TRAP1: variants seen among roughly 807,000 people sequenced by gnomAD.
TRAP1 encodes the protein TNF receptor associated protein 1.
In TRAP1, 102 loss-of-function variants were observed where a neutral mutation model predicts 89.1. That is an observed-to-expected ratio of 1.15 (90% CI 0.98 to 1.35). The LOEUF (loss-of-function observed/expected upper bound fraction) is 1.35. Among genes scored for constraint, TRAP1 ranks in the 40% most tolerant of loss-of-function variants. The pLI is 0.00. For synonymous variants in TRAP1, 508 were observed against 388.0 expected, an observed-to-expected ratio of 1.31 and a Z score of -3.64; for missense variants, 1,256 against 945.3, an observed-to-expected ratio of 1.33 and a Z score of -4.31.
chr16:3,676,477 A>C (rs1171157511), intron 6 of TRAP1: 12 of 186,888 alleles, frequency 6.4e-5, no homozygotes, highest in Admixed American at 6.1e-5. Flanking sequence ...CCAGCTCCAA[A>C]TCGGGTGCCA....
At chr16:3,669,934 C>A (rs1392486783) in intron 11 of TRAP1, among the ~76,000 whole-genome samples, 1 of 151,778 alleles carries the variant, frequency 6.6e-6, no homozygotes, top group Non-Finnish European at 1.5e-5. Context: ...AGCTGTGCAG[C>A]CCCGAGGGAC....
chr16:3,686,606 G>A (rs145366790), intron 3 of TRAP1, among the ~76,000 whole-genome samples: 11 of 152,250 alleles, frequency 7.2e-5, no homozygotes, highest in African/African-American at 2.2e-4. Flanking sequence ...CGTGAGCCAC[G>A]GTGCCTGGCC....
At chr16:3,674,610 G>C (rs1034748272) in intron 8 of TRAP1, 116 bp from the exon 9 acceptor site, 19 of 1,320,702 alleles carry the variant, frequency 1.4e-5, no homozygotes, top group Non-Finnish European at 1.8e-5. Context: ...GGGACAGACG[G>C]GCGGTGGTCT....
Position 3,674,439 on chromosome 16 carries a change from T to C in TRAP1, c.944A>G (p.Tyr315Cys). The C allele has an allele frequency of 6.2e-7, 1 of 1,614,046 alleles. No individual in the cohort carries two copies. The highest frequency in any genetic ancestry group is 8.5e-7 in the Non-Finnish European group (1 of 1,180,030). Residue 315 changes from tyrosine (Y) to cysteine (C), a missense_variant, in exon 9 of 18, where the codon TAC (tyrosine) becomes TGC (cysteine). Physicochemically the swap from Tyr to Cys is radical, Grantham distance 194 (BLOSUM62 -2). Transcript: ENST00000246957. ...DVREWQHEEF[Y>C]RYVAQAHDKP... Reference sequence around the variant, plus strand: ...GTCGTGAGCCTGCGCGACGTAGCGGTAGAACTCCTCATGTTGCCACTCACG... The same window carrying C: ...GTCGTGAGCCTGCGCGACGTAGCGGCAGAACTCCTCATGTTGCCACTCACG...
intron 1 of TRAP1, among the ~76,000 whole-genome samples, chr16:3,708,402 G>C (rs188741801): frequency 1.3e-5 from 2 of 152,250 alleles, no homozygotes; most frequent in Non-Finnish European, 2.9e-5. Context: ...ACTTTGGGAG[G>C]CTGAGGCGGA....
chr16:3,676,238 A>G (rs1024090298), intron 6 of TRAP1, 93 bp from the exon 7 acceptor site: 7 of 1,093,248 alleles, frequency 6.4e-6, no homozygotes, highest in Non-Finnish European at 9.4e-6. Flanking sequence ...TTTCATAGGC[A>G]GAGCCCAAAC....
rs1357798035 is a variant in TRAP1, at chr16:3,671,637, G to C, written c.1235+85C>G. 4.8e-6 allele frequency: 7 copies of C among 1,460,220 alleles called. No homozygotes were observed. In the East Asian group the frequency reaches 9.5e-5, roughly 20 times the overall value. 90.5% of individuals were successfully genotyped at this position (1,460,220 alleles called of 1,614,324 possible). On this transcript the variant is annotated intron_variant, in intron 11 of 17. Transcript: ENST00000246957. ...ACCACCTCTGCTCTCAGCTCCATGG[G>C]CCACGGCTAGGGCCCTCTGGGGGCA...
At chr16:3,671,288 G>A (rs912408887) in intron 11 of TRAP1, among the ~76,000 whole-genome samples, 8 of 152,138 alleles carry the variant, frequency 5.3e-5, no homozygotes, top group Non-Finnish European at 7.4e-5. Context: ...CTTGCATTAG[G>A]GGAAAAAAAG....
chr16:3,675,897 T>C, intron 7 of TRAP1, 139 bp downstream of exon 7: 1 of 717,160 alleles, frequency 1.4e-6, no homozygotes, highest in Non-Finnish European at 2.2e-6. Context: ...CCCCTCCCAG[T>C]CCCGCAGCGG....
rs766928982 is a variant in TRAP1, at chr16:3,698,318, C to CT, written c.89-7334dup. ...AGGTTATGTAAACTTTCCACAACAA[C>CT]TTTTTTTTTTTTTTTTAGAGTCTCA... On this transcript the variant is annotated intron_variant, in intron 1 of 17. Coordinates refer to ENST00000246957, the MANE Select transcript of TRAP1 (RefSeq NM_016292.3). 9.8e-3 allele frequency among the ~76,000 whole-genome samples: 1,389 copies of CT among 141,634 alleles called. 61 individuals carry two copies. In the East Asian group the frequency reaches 0.14, roughly 15 times the overall value. 92.9% of individuals were successfully genotyped at this position (141,634 alleles called of 152,430 possible).
Position 3,674,441 on chromosome 16 carries a change from G to A in TRAP1, c.942C>T (p.Phe314=). ...KDVREWQHEE[F]YRYVAQAHDK... ...CGTGAGCCTGCGCGACGTAGCGGTA[G>A]AACTCCTCATGTTGCCACTCACGGA... Residue 314 remains phenylalanine, a synonymous_variant, in exon 9 of 18, where the codon TTC becomes TTT. Coordinates refer to ENST00000246957, the MANE Select transcript of TRAP1 (RefSeq NM_016292.3). 6.2e-7 allele frequency: 1 copy of A among 1,614,106 alleles called. No homozygotes were observed. Among genetic ancestry groups the A allele is most frequent in the Non-Finnish European group, 8.5e-7 (1 of 1,180,028 alleles).
rs145536638 is a variant in TRAP1, at chr16:3,686,154, G to C, written c.331-18C>G. 3 of 1,612,678 alleles carry C rather than the reference G, an allele frequency of 1.9e-6. No homozygotes were observed. The African/African-American group carries it at 4.0e-5, about 21-fold the overall frequency. On this transcript the variant is annotated intron_variant, in intron 3 of 17. Transcript: ENST00000246957. Reference sequence around the variant, plus strand: ...ATAAACACCTACAGGAATAGAAATGGGAGGCACAGACAATGAAGGACACTC... The same window carrying C: ...ATAAACACCTACAGGAATAGAAATGCGAGGCACAGACAATGAAGGACACTC...
intron 3 of TRAP1, 52 bp downstream of exon 3, chr16:3,689,003 C>T: frequency 6.5e-7 from 1 of 1,533,928 alleles, no homozygotes; most frequent in Admixed American, 1.9e-5. Flanking sequence ...TAAAAACCAG[C>T]TTTGTGAAAA....
chr16:3,666,228 A>T, intron 11 of TRAP1, 110 bp from the exon 12 acceptor site: 6 of 1,365,776 alleles, frequency 4.4e-6, no homozygotes, highest in Non-Finnish European at 5.9e-6. Flanking sequence ...AAGTGAAAAC[A>T]ACAAGGTACC....
chr16:3,663,723 C>T, intron 13 of TRAP1, 161 bp from the exon 14 acceptor site: 1 of 820,174 alleles, frequency 1.2e-6, no homozygotes, highest in East Asian at 2.7e-5. Context: ...TACTACGACA[C>T]CTGGGTCTAA....
intron 1 of TRAP1, among the ~76,000 whole-genome samples, chr16:3,715,374 C>G (rs371608456): frequency 1.4e-4 from 22 of 151,942 alleles, no homozygotes; most frequent in African/African-American, 4.8e-4. Flanking sequence ...GGAGGCGGAG[C>G]TTGCAGTGAG....
intron 1 of TRAP1, among the ~76,000 whole-genome samples, chr16:3,710,797 G>C (rs749341927): frequency 6.7e-6 from 1 of 150,262 alleles, no homozygotes; most frequent in Admixed American, 6.6e-5. Flanking sequence ...ATAGCCTCCT[G>C]CTCTTAATAT....
At chr16:3,674,610 G>A in intron 8 of TRAP1, 116 bp from the exon 9 acceptor site, 1 of 1,320,820 alleles carries the variant, frequency 7.6e-7, no homozygotes, top group South Asian at 1.4e-5. Flanking sequence ...GGGACAGACG[G>A]GCGGTGGTCT....
chr16:3,672,905 A>C (rs2050934380), intron 9 of TRAP1, 85 bp from the exon 10 acceptor site: 1 of 1,497,782 alleles, frequency 6.7e-7, no homozygotes, highest in African/African-American at 1.4e-5. Context: ...GACACGATGA[A>C]TCCAGAGCCC....
Sources: gnomAD v4.1 joint callset for allele counts (sites outside exome capture counted in the v4.1 genomes callset) on GRCh38, gnomAD v4.1.1 for gene constraint, MANE v1.5 for transcripts, NCBI Gene and HGNC (gene_info 2026-07-23, HGNC 2026-07-21) for gene names.